The following TMEM165 variants were observed in gnomAD, a reference collection of about 807,000 sequenced individuals.
TMEM165 encodes the protein transmembrane protein 165.
Under a neutral mutation model 30.0 loss-of-function variants are expected in TMEM165, and 19 were observed. That is an observed-to-expected ratio of 0.63 (90% CI 0.44 to 0.93). The LOEUF (loss-of-function observed/expected upper bound fraction) is 0.93, where lower values mean the gene tolerates loss of function less well. Ranked by LOEUF, TMEM165 falls within the 40% of genes least tolerant of loss-of-function variation. The pLI, the probability that TMEM165 is intolerant of heterozygous loss-of-function variation, is 0.00. For missense variants in TMEM165, 340 were observed against 417.0 expected, an observed-to-expected ratio of 0.82 and a Z score of 1.61; for synonymous variants, 168 against 162.9, an observed-to-expected ratio of 1.03 and a Z score of -0.24.
chr4:55,403,479 A>C (rs1227207341), intron 1 of TMEM165: 1 of 165,418 alleles, frequency 6.0e-6, no homozygotes, highest in Non-Finnish European at 1.1e-5. Context: ...TTTCTAAATG[A>C]GGGTGCCTTT....
chr4:55,448,109 T>C (rs1178740001), intron 3 of TMEM165, among the ~76,000 whole-genome samples: 1 of 152,208 alleles, frequency 6.6e-6, no homozygotes, highest in African/African-American at 2.4e-5. Context: ...ATTCACACAA[T>C]CTGCTTACAT....
At chr4:55,441,677 C>T (rs1307212576) in intron 3 of TMEM165, among the ~76,000 whole-genome samples, 1 of 152,114 alleles carries the variant, frequency 6.6e-6, no homozygotes, top group Non-Finnish European at 1.5e-5. Flanking sequence ...GGGAGCTAAG[C>T]TATGGGTACA....
At chr4:55,403,321 A>G (rs1453706880) in intron 1 of TMEM165, 4 of 1,268,170 alleles carry the variant, frequency 3.2e-6, no homozygotes, top group African/African-American at 1.9e-5. Flanking sequence ...TCATGTATAG[A>G]TGGAGATTCC....
intron 4 of TMEM165, among the ~76,000 whole-genome samples, chr4:55,419,028 G>A (rs1389095293): frequency 6.6e-6 from 1 of 152,130 alleles, no homozygotes; most frequent in Non-Finnish European, 1.5e-5. Flanking sequence ...CTGGGCAGCA[G>A]AGTGAGATGC....
intron 2 of TMEM165, chr4:55,415,614 G>A (rs1368490452): frequency 6.6e-6 from 1 of 152,076 alleles, no homozygotes; most frequent in Non-Finnish European, 1.5e-5. Context: ...TGTATCCTGT[G>A]TGTACACATA....
At chr4:55,422,737 C>T (rs952438703) in intron 4 of TMEM165, among the ~76,000 whole-genome samples, 1 of 152,136 alleles carries the variant, frequency 6.6e-6, no homozygotes, top group Non-Finnish European at 1.5e-5. Context: ...CAACCTCAGC[C>T]TCCTGGATTC....
At chr4:55,411,905 G>A (rs1359758468) in intron 2 of TMEM165, 66 bp downstream of exon 2, 1 of 1,459,246 alleles carries the variant, frequency 6.9e-7, no homozygotes, top group Non-Finnish European at 9.6e-7. Flanking sequence ...GTGACATGGA[G>A]TCACTGAGTC....
intron 3 of TMEM165, among the ~76,000 whole-genome samples, chr4:55,437,762 C>T (rs1276789645): frequency 1.3e-5 from 2 of 152,216 alleles, no homozygotes; most frequent in Non-Finnish European, 2.9e-5. Context: ...CTAGACTTTA[C>T]AGCCCAAGTT....
chr4:55,420,808 C>CT (rs1721943728), intron 4 of TMEM165, among the ~76,000 whole-genome samples: 1 of 152,152 alleles, frequency 6.6e-6, no homozygotes, highest in South Asian at 2.1e-4. Context: ...TCCTTTGAGA[C>CT]TTGAATTGGT....
At chr4:55,425,261 G>A in intron 5 of TMEM165, 115 bp from the exon 6 acceptor site, 4 of 769,150 alleles carry the variant, frequency 5.2e-6, no homozygotes, top group Non-Finnish European at 8.6e-6. Flanking sequence ...TGTTTTCAAG[G>A]TTAGTTTAAT....
chr4:55,422,489 CTCAGG>C (rs1326283349), intron 4 of TMEM165, among the ~76,000 whole-genome samples: 1 of 152,096 alleles, frequency 6.6e-6, no homozygotes, highest in Non-Finnish European at 1.5e-5. Context: ...AACTCCCAAC[CTCAGG>C]TGATCTGCCT....
At chr4:55,442,367 A>C in intron 3 of TMEM165, 1 of 1,409,464 alleles carries the variant, frequency 7.1e-7, no homozygotes. Context: ...TTAAGAAATC[A>C]AATTATTGTT....
chr4:55,405,072 T>C (rs1054487961), intron 1 of TMEM165, among the ~76,000 whole-genome samples: 4 of 152,210 alleles, frequency 2.6e-5, no homozygotes, highest in African/African-American at 9.6e-5. Context: ...CCCTCCACCT[T>C]CTTTGAATAA....
At chr4:55,418,661 G>A (rs1196313857) in intron 4 of TMEM165, among the ~76,000 whole-genome samples, 1 of 152,148 alleles carries the variant, frequency 6.6e-6, no homozygotes, top group African/African-American at 2.4e-5. Flanking sequence ...TGGTTCAGCT[G>A]TTTACAAATC....
rs1401579127 is a variant in TMEM165, at chr4:55,417,921, T to G, written c.728T>G (p.Leu243Ter). 1 of 1,614,108 alleles carries G rather than the reference T, an allele frequency of 6.2e-7. No individual in the cohort carries two copies. Among genetic ancestry groups the G allele is most frequent in the Admixed American group, 1.7e-5 (1 of 60,020 alleles). ...ISPIFVQALT[L>*]TFLAEWGDRS... is the part of the protein sequence containing the mutation. Reference sequence around the variant, plus strand: ...CCCATTTTTGTTCAAGCTCTTACATTAACATTCTTAGCAGAATGGGGTGAT... The same window carrying G: ...CCCATTTTTGTTCAAGCTCTTACATGAACATTCTTAGCAGAATGGGGTGAT... Residue 243 changes from leucine (L) to a stop codon, truncating the protein, a stop_gained, in exon 4 of 6, where the codon TTA becomes TGA. Coordinates refer to ENST00000381334, the MANE Select transcript of TMEM165 (RefSeq NM_018475.5). LOFTEE classifies it high-confidence loss of function.
intron 1 of TMEM165, among the ~76,000 whole-genome samples, chr4:55,402,526 C>G (rs2109525488): frequency 8.0e-6 from 1 of 124,794 alleles, no homozygotes; most frequent in East Asian, 2.6e-4. Context: ...TGGTTCACTT[C>G]AACCTCTGTC....
chr4:55,429,798 A>T (rs151261702), downstream of TMEM165: 13 of 152,320 alleles, frequency 8.5e-5, no homozygotes, highest in African/African-American at 2.9e-4. Flanking sequence ...GAACTGTATG[A>T]ATCAGATTTG....
intron 3 of TMEM165, among the ~76,000 whole-genome samples, chr4:55,450,692 TGAG>T (rs1025865174): frequency 2.0e-5 from 3 of 151,406 alleles, no homozygotes; most frequent in African/African-American, 7.3e-5. Flanking sequence ...TTCCCTGAAC[TGAG>T]GAGGCGGAGG....
At chr4:55,415,082 T>C (rs572929871) in intron 2 of TMEM165, among the ~76,000 whole-genome samples, 1 of 152,342 alleles carries the variant, frequency 6.6e-6, no homozygotes, top group South Asian at 2.1e-4. Context: ...TCCAAAGATT[T>C]TGCATCAATT....
Sources: allele counts gnomAD v4.1 joint callset (sites outside exome capture counted in the v4.1 genomes callset), GRCh38; gene constraint gnomAD v4.1.1; transcripts MANE v1.5; gene names NCBI Gene and HGNC (gene_info 2026-07-23, HGNC 2026-07-21).